The following SLC17A5 variants were observed in gnomAD, a reference collection of about 807,000 sequenced individuals.
SLC17A5 encodes the protein solute carrier family 17 member 5.
Under a neutral mutation model 59.4 loss-of-function variants are expected in SLC17A5, and 47 were observed. The ratio of observed to expected loss-of-function variants is 0.79; its 90% CI spans 0.63 to 1.01. The LOEUF (loss-of-function observed/expected upper bound fraction) is 1.01, where lower values mean the gene tolerates loss of function less well. Ranked by LOEUF, SLC17A5 falls within the 50% of genes least tolerant of loss-of-function variation. The probability of loss-of-function intolerance (pLI) is 0.00; values close to 1 mark genes in which losing one functional copy is unlikely to be tolerated. For missense variants in SLC17A5, 522 were observed against 595.5 expected (o/e 0.88, Z 1.28); for synonymous variants, 202 against 210.7 (o/e 0.96, Z 0.36).
At chr6:73,607,146 T>A (rs146311752) in intron 9 of SLC17A5, among the ~76,000 whole-genome samples, 3 of 152,372 alleles carry the variant, frequency 2.0e-5, no homozygotes, top group African/African-American at 7.2e-5. Context: ...TATATGCAAA[T>A]ACCTTTATTG....
At position 73,604,410 on chromosome 6, in the gene SLC17A5, A is replaced by T. The variant is rs1236559423; in HGVS notation, c.1260-3969T>A. 2.0e-5 allele frequency among the ~76,000 whole-genome samples: 3 copies of T among 152,130 alleles called. No individual in the cohort carries two copies. In the South Asian group the frequency reaches 6.2e-4, roughly 31 times the overall value. ...GGAATTAATAGCTGAAAATCTATCTAATTCCCATGAATTCGGGCAACAAAA... is the reference window on the plus strand; with the variant it reads ...GGAATTAATAGCTGAAAATCTATCTTATTCCCATGAATTCGGGCAACAAAA... On this transcript the variant is annotated intron_variant, in intron 9 of 10. Coordinates refer to ENST00000355773, the MANE Select transcript of SLC17A5 (RefSeq NM_012434.5).
At chr6:73,615,533 T>C in intron 7 of SLC17A5, 86 bp from the exon 8 acceptor site, 2 of 1,372,306 alleles carry the variant, frequency 1.5e-6, no homozygotes, top group Non-Finnish European at 2.1e-6. Context: ...TGACCACCAC[T>C]TGAAAGCAAA....
chr6:73,645,239 A>T, intron 1 of SLC17A5: 2 of 797,248 alleles, frequency 2.5e-6, no homozygotes, highest in African/African-American at 1.9e-5. Flanking sequence ...TAGCAAAAAA[A>T]ATTTACTGCC....
chr6:73,643,471 AT>A (rs1481039208), intron 2 of SLC17A5, among the ~76,000 whole-genome samples: 2 of 133,514 alleles, frequency 1.5e-5, no homozygotes, highest in Non-Finnish European at 3.3e-5. Context: ...AAAATTTATT[AT>A]TTTTTATTTA....
intron 3 of SLC17A5, 26 bp from the exon 4 acceptor site, chr6:73,638,525 T>C (rs1769131793): frequency 3.2e-6 from 5 of 1,552,412 alleles, no homozygotes; most frequent in African/African-American, 1.4e-5. Flanking sequence ...ATGATATTTC[T>C]GATGAAATGT....
At chr6:73,645,405 T>C in intron 1 of SLC17A5, 1 of 985,150 alleles carries the variant, frequency 1.0e-6, no homozygotes, top group Non-Finnish European at 1.2e-6. Context: ...CCTATGACAG[T>C]TGCAGCATCT....
intron 6 of SLC17A5, among the ~76,000 whole-genome samples, chr6:73,628,233 T>C (rs1768530745): frequency 6.6e-6 from 1 of 152,128 alleles, no homozygotes; most frequent in Non-Finnish European, 1.5e-5. Flanking sequence ...AAGTTCCTAT[T>C]AGAGGGCTAC....
At chr6:73,651,605 T>C (rs1769872201) in intron 1 of SLC17A5, among the ~76,000 whole-genome samples, 1 of 151,412 alleles carries the variant, frequency 6.6e-6, no homozygotes, top group South Asian at 2.1e-4. Context: ...TGCAGGGGCG[T>C]GATCTCGGCT....
At chr6:73,608,707 C>T (rs1223263742) in intron 9 of SLC17A5, among the ~76,000 whole-genome samples, 2 of 152,190 alleles carry the variant, frequency 1.3e-5, no homozygotes, top group Non-Finnish European at 2.9e-5. Context: ...ATTCGTCAAT[C>T]CTAGGCTTGA....
intron 2 of SLC17A5, 85 bp downstream of exon 2, chr6:73,644,322 G>C: frequency 9.4e-7 from 1 of 1,065,264 alleles, no homozygotes; most frequent in Admixed American, 2.1e-5. Flanking sequence ...TATAGTTTCT[G>C]TAGGATGAAA....
Position 73,646,321 on chromosome 6 carries a change from T to G in SLC17A5, c.95-1718A>C, listed in dbSNP as rs557814809. Among the ~76,000 whole-genome samples, 7 of 152,328 alleles carry G rather than the reference T, an allele frequency of 4.6e-5. No homozygotes were observed. The South Asian group carries it at 8.3e-4, about 18-fold the overall frequency. ...ATTAATGAATATGCACAACTATACT[T>G]AGGTTTATATTAATATATTATGATC... is the stretch of plus-strand genomic sequence containing the variant. On this transcript the variant is annotated intron_variant, in intron 1 of 10. Transcript: ENST00000355773.
chr6:73,651,608 T>C (rs1037552342), intron 1 of SLC17A5, among the ~76,000 whole-genome samples: 1 of 151,546 alleles, frequency 6.6e-6, no homozygotes, highest in African/African-American at 2.4e-5. Context: ...AGGGGCGTGA[T>C]CTCGGCTCAC....
chr6:73,593,553 T>C lies in SLC17A5; in HGVS notation c.*1524A>G, dbSNP rs1280070449. On this transcript the variant is annotated 3_prime_UTR_variant, in exon 11 of 11. Transcript: ENST00000355773. ...AACATAAACTAAGTTTTAAGCCACA[T>C]AGGTGTTCTGAAAGCATGCTCAACA... is the stretch of plus-strand genomic sequence containing the variant. 1.3e-5 allele frequency: 2 copies of C among 152,234 alleles called. No individual in the cohort carries two copies. Among genetic ancestry groups the C allele is most frequent in the African/African-American group, 4.8e-5 (2 of 41,466 alleles). The allele number at this position is 152,234 out of a possible 1,614,324, so 9.4% of individuals were successfully genotyped here. A position where few individuals can be genotyped will look rare whatever the true frequency, so the allele number is the denominator to read the frequency against.
intron 9 of SLC17A5, among the ~76,000 whole-genome samples, chr6:73,605,418 C>T (rs775932836): frequency 6.6e-6 from 1 of 151,968 alleles, no homozygotes; most frequent in Non-Finnish European, 1.5e-5. Flanking sequence ...ACTGAATGGG[C>T]CCTCAGTTGT....
intron 2 of SLC17A5, among the ~76,000 whole-genome samples, chr6:73,643,499 G>A (rs1769386451): frequency 6.6e-6 from 1 of 150,696 alleles, no homozygotes; most frequent in African/African-American, 2.4e-5. Context: ...TTTTTGAGAC[G>A]AAGTCTTGCT....
At chr6:73,608,181 GTGA>G (rs1767483097) in intron 9 of SLC17A5, among the ~76,000 whole-genome samples, 1 of 152,152 alleles carries the variant, frequency 6.6e-6, no homozygotes, top group African/African-American at 2.4e-5. Context: ...TGTAGCAATA[GTGA>G]TGTCTGAGGG....
chr6:73,640,118 T>G (rs1581986443), intron 3 of SLC17A5, among the ~76,000 whole-genome samples: 1 of 152,228 alleles, frequency 6.6e-6, no homozygotes, highest in African/African-American at 2.4e-5. Context: ...ATGATCAATA[T>G]GCCGTAATGT....
chr6:73,649,979 G>A (rs1166264184), intron 1 of SLC17A5, among the ~76,000 whole-genome samples: 2 of 152,124 alleles, frequency 1.3e-5, no homozygotes, highest in Admixed American at 6.5e-5. Context: ...CTGTGCTCAG[G>A]AGTAGGCACT....
At chr6:73,601,623 T>C (rs1581954836) in intron 9 of SLC17A5, among the ~76,000 whole-genome samples, 1 of 75,716 alleles carries the variant, frequency 1.3e-5, no homozygotes, top group African/African-American at 5.6e-5. Context: ...AGCCGCCCCG[T>C]CCGGGAGGGA....
Sources: gnomAD v4.1 joint callset for allele counts (sites outside exome capture counted in the v4.1 genomes callset) on GRCh38, gnomAD v4.1.1 for gene constraint, MANE v1.5 for transcripts, NCBI Gene and HGNC (gene_info 2026-07-23, HGNC 2026-07-21) for gene names.